FOXD1: variants seen among roughly 807,000 people sequenced by gnomAD.
FOXD1 encodes the protein forkhead box D1, also known as forkhead box protein D1.
In FOXD1, 4 loss-of-function variants were observed where a neutral mutation model predicts 2.0. That is an observed-to-expected ratio of 2.03 (90% CI 1.00 to 4.64). The LOEUF (loss-of-function observed/expected upper bound fraction) is 4.64. Ranked by LOEUF, FOXD1 falls within the 30% of genes most tolerant of loss-of-function variation. The pLI is 0.01. For synonymous variants in FOXD1, 354 were observed against 328.5 expected (o/e 1.08, Z -0.84); for missense variants, 586 against 647.6 (o/e 0.90, Z 1.03).
Position 73,446,998 on chromosome 5 carries a change from G to T in FOXD1, c.1365C>A (p.Val455=). 6.5e-7 allele frequency: 1 copy of T among 1,548,300 alleles called. No homozygotes were observed. The highest frequency in any genetic ancestry group is 1.2e-5 in the South Asian group (1 of 84,026). Reference sequence around the variant, plus strand: ...TGGAAATCCTAGCAGTAAAGTTCTCGACACTGGACAGGGCAGTCCCTTGGT... The same window carrying T: ...TGGAAATCCTAGCAGTAAAGTTCTCTACACTGGACAGGGCAGTCCCTTGGT... ...TLHQGTALSS[V]ENFTARISNC is the part of the protein sequence containing the mutation. The change falls in exon 1 of 1, where the codon GTC becomes GTA. Residue 455 remains valine (V), a synonymous_variant. Coordinates refer to ENST00000615637, the MANE Select transcript of FOXD1 (RefSeq NM_004472.3).
In FOXD1 at chr5:73,448,287, C is replaced by T; in HGVS notation, c.76G>A (p.Glu26Lys). The T allele has an allele frequency of 6.8e-7, 1 of 1,472,506 alleles. No individual in the cohort carries two copies. The highest frequency in any genetic ancestry group is 9.1e-7 in the Non-Finnish European group (1 of 1,103,984). 91.2% of individuals were successfully genotyped at this position (1,472,506 alleles called of 1,614,324 possible). A position where few individuals can be genotyped will look rare whatever the true frequency, so the allele number is the denominator to read the frequency against. The change falls in exon 1 of 1, where the codon GAG becomes AAG. Residue 26 changes from glutamate (E) to lysine (K), a missense_variant. Transcript: ENST00000615637. ...ETDIDVVGEGEDEEDEEEEDD... is the reference protein window; with the variant it reads ...ETDIDVVGEGKDEEDEEEEDD... ...TCCTCTTCCTCGTCTTCTTCGTCCT[C>T]GCCCTCCCCCACCACGTCGATGTCT...
In FOXD1 at chr5:73,448,293, C is replaced by G. The variant is rs748658647; in HGVS notation, c.70G>C (p.Glu24Gln). ...TCCTCGTCTTCTTCGTCCTCGCCCT[C>G]CCCCACCACGTCGATGTCTGTTTCC... is the stretch of plus-strand genomic sequence containing the variant. ...AEETDIDVVG[E>Q]GEDEEDEEEE... The change falls in exon 1 of 1, where the codon GAG becomes CAG. Residue 24 changes from glutamate to glutamine, a missense_variant. By Grantham distance (29) the Glu-to-Gln change is conservative. Coordinates refer to ENST00000615637, the MANE Select transcript of FOXD1 (RefSeq NM_004472.3). 1.4e-6 allele frequency: 2 copies of G among 1,470,906 alleles called. No homozygotes were observed. Among genetic ancestry groups the G allele is most frequent in the African/African-American group, 1.5e-5 (1 of 67,668 alleles). 91.1% of individuals were successfully genotyped at this position (1,470,906 alleles called of 1,614,324 possible).
Position 73,448,406 on chromosome 5 carries a change from G to C in FOXD1, c.-44C>G, listed in dbSNP as rs1745554581. 2 of 1,128,372 alleles carry C rather than the reference G, an allele frequency of 1.8e-6. No homozygotes were observed. Among genetic ancestry groups the C allele is most frequent in the African/African-American group, 1.7e-5 (1 of 59,684 alleles). 69.9% of individuals were successfully genotyped at this position (1,128,372 alleles called of 1,614,324 possible). ...GCGGGGCGGCGCATGGGGGCGCCGG[G>C]CTCCGGGCTCCCTCTGCGCCCCAGC... On this transcript the variant is annotated 5_prime_UTR_variant, in exon 1 of 1. Coordinates refer to ENST00000615637, the MANE Select transcript of FOXD1 (RefSeq NM_004472.3).
rs1487355990 is a variant in FOXD1 at position 73,447,611 on chromosome 5, G to T, written c.752C>A (p.Pro251Gln). Residue 251 changes from proline (P) to glutamine (Q), a missense_variant, in exon 1 of 1, where the codon CCG becomes CAG. Pro to Gln is a moderately conservative substitution (Grantham distance 76). Transcript: ENST00000615637. This position sits in a 1 kb window ranked among gnomAD's most constrained non-coding sequence, Gnocchi z 7.8. ...GAGAAGGAGDPAAAAALFPPA... is the reference protein window; with the variant it reads ...GAGAAGGAGDQAAAAALFPPA... The stretch of plus-strand genomic sequence containing the variant: ...CGGGAAGAGCGCGGCGGCGGCTGCC[G>T]GGTCGCCCGCGCCCCCTGCGGCTCC... 4 of 1,234,152 alleles carry T rather than the reference G, an allele frequency of 3.2e-6. No individual in the cohort carries two copies. The highest frequency in any genetic ancestry group is 1.6e-5 in the African/African-American group (1 of 63,018). 76.5% of individuals were successfully genotyped at this position (1,234,152 alleles called of 1,614,324 possible).
rs1008761197 is a variant in FOXD1 at position 73,448,457 on chromosome 5, CG to C, written c.-96del. 37 of 779,984 alleles carry C rather than the reference CG, an allele frequency of 4.7e-5. No individual in the cohort carries two copies. The African/African-American group carries it at 6.6e-4, about 14-fold the overall frequency. The allele number at this position is 779,984 out of a possible 1,614,324, so 48.3% of individuals were successfully genotyped here. ...CCGGGTCCCGGGCGGCAGGCCCGGC[CG>C]GGGGGCGCCACGCTGGGGGCGCTGC... On this transcript the variant is annotated 5_prime_UTR_variant, in exon 1 of 1. Coordinates refer to ENST00000615637, the MANE Select transcript of FOXD1 (RefSeq NM_004472.3).
chr5:73,446,671 T>C lies in FOXD1; in HGVS notation c.*294A>G. 2.9e-6 allele frequency: 1 copy of C among 350,368 alleles called. No individual in the cohort carries two copies. The highest frequency in any genetic ancestry group is 2.6e-5 in the South Asian group (1 of 37,844). The allele number at this position is 350,368 out of a possible 1,614,324, so 21.7% of individuals were successfully genotyped here. On this transcript the variant is annotated 3_prime_UTR_variant, in exon 1 of 1. Transcript: ENST00000615637. ...TCATCTGCCAAACGTCAAGGGAGCC[T>C]CTAGTGCCTGGACAGGGCGGACTCC...
rs1745537616 is a variant in FOXD1 at position 73,447,948 on chromosome 5, G to C, written c.415C>G (p.Leu139Val). ...GTCAGCCGCTTCTTGGGGCTCTGCA[G>C]GATGGCCATAGTGATGAGCGCGATA... is the stretch of plus-strand genomic sequence containing the variant. ...SYIALITMAI[L>V]QSPKKRLTLS... Residue 139 changes from leucine (L) to valine (V), a missense_variant, in exon 1 of 1, where the codon CTG (leucine) becomes GTG (valine). Leu to Val is a conservative substitution (Grantham distance 32). Around this residue, in one of 4 missense-constraint regions of FOXD1, gnomAD observed 104 missense variants for 175.4 expected, o/e 0.59. Transcript: ENST00000615637. The surrounding 1 kb of genome is among the most constrained non-coding windows in gnomAD (Gnocchi z 7.8). 1 of 1,608,764 alleles carries C rather than the reference G, an allele frequency of 6.2e-7. No individual in the cohort carries two copies. Among genetic ancestry groups the C allele is most frequent in the Admixed American group, 1.7e-5 (1 of 59,358 alleles).
chr5:73,447,837 T>G lies in FOXD1; in HGVS notation c.526A>C (p.Asn176His). The stretch of plus-strand genomic sequence containing the variant: ...ACGAAGCAGTCGTTGAGCGAGAGGT[T>G]GTGGCGGATGCTGTTCTGCCAGGCG... Reference protein sequence around the residue: ...FPAWQNSIRHNLSLNDCFVKI... With the variant: ...FPAWQNSIRHHLSLNDCFVKI... Residue 176 changes from asparagine (N) to histidine (H), a missense_variant, in exon 1 of 1, where the codon AAC becomes CAC. Asn to His is a moderately conservative substitution (Grantham distance 68). Transcript: ENST00000615637. This position sits in a 1 kb window ranked among gnomAD's most constrained non-coding sequence, Gnocchi z 7.8. 1 of 1,611,512 alleles carries G rather than the reference T, an allele frequency of 6.2e-7. No individual in the cohort carries two copies. The highest frequency in any genetic ancestry group is 8.5e-7 in the Non-Finnish European group (1 of 1,178,850).
rs768909613 is a variant in FOXD1 at position 73,447,949 on chromosome 5, G to A, written c.414C>T (p.Ile138=). 61 of 1,608,542 alleles carry A rather than the reference G, an allele frequency of 3.8e-5. No individual in the cohort carries two copies. Among genetic ancestry groups the A allele is most frequent in the Non-Finnish European group, 4.9e-5 (58 of 1,177,474 alleles). Residue 138 remains isoleucine (I), a synonymous_variant, in exon 1 of 1, where the codon ATC becomes ATT. Coordinates refer to ENST00000615637, the MANE Select transcript of FOXD1 (RefSeq NM_004472.3). The surrounding 1 kb of genome is among the most constrained non-coding windows in gnomAD (Gnocchi z 7.8). ...YSYIALITMA[I]LQSPKKRLTL... ...TCAGCCGCTTCTTGGGGCTCTGCAG[G>A]ATGGCCATAGTGATGAGCGCGATAT... is the stretch of plus-strand genomic sequence containing the variant.
chr5:73,448,056 C>CT lies in FOXD1; in HGVS notation c.306_307insA (p.Gly103ArgfsTer15). The CT allele has an allele frequency of 4.9e-6, 6 of 1,223,226 alleles. No homozygotes were observed. The highest frequency in any genetic ancestry group is 5.1e-6 in the Non-Finnish European group (5 of 976,666). The allele number at this position is 1,223,226 out of a possible 1,614,324, so 75.8% of individuals were successfully genotyped here. On this transcript the variant is annotated frameshift_variant, in exon 1 of 1. Transcript: ENST00000615637. LOFTEE classifies it low-confidence loss of function (END_TRUNC). Reference sequence around the variant, plus strand: ...CCGCCCGCGCCGCCGCCGCCGCCGCCCCCACCGGCTCCTGCCCCCGCCGCC... The same window carrying CT: ...CCGCCCGCGCCGCCGCCGCCGCCGCCTCCCACCGGCTCCTGCCCCCGCCGCC...
In FOXD1 at chr5:73,447,202, G is replaced by A. The variant is rs1363205301; in HGVS notation, c.1161C>T (p.Ala387=). Residue 387 remains alanine (A), a synonymous_variant, in exon 1 of 1, where the codon GCC becomes GCT. Coordinates refer to ENST00000615637, the MANE Select transcript of FOXD1 (RefSeq NM_004472.3). This position sits in a 1 kb window ranked among gnomAD's most constrained non-coding sequence, Gnocchi z 7.8. The part of the protein sequence containing the change: ...AAAAAAQAAA[A]AQASPSPSPV... The stretch of plus-strand genomic sequence containing the variant: ...GCGAGGGCGAGGGCGAGGCCTGAGC[G>A]GCGGCGGCGGCCTGCGCGGCGGCGG... The A allele has an allele frequency of 7.1e-6, 7 of 992,740 alleles. No homozygotes were observed. The highest frequency in any genetic ancestry group is 8.4e-6 in the Non-Finnish European group (7 of 837,722). The allele number at this position is 992,740 out of a possible 1,614,324, so 61.5% of individuals were successfully genotyped here.
Position 73,446,913 on chromosome 5 carries a change from A to G in FOXD1, c.*52T>C. The G allele has an allele frequency of 6.9e-7, 1 of 1,452,752 alleles. No individual in the cohort carries two copies. The highest frequency in any genetic ancestry group is 9.4e-7 in the Non-Finnish European group (1 of 1,066,496). The allele number at this position is 1,452,752 out of a possible 1,614,324, so 90.0% of individuals were successfully genotyped here. On this transcript the variant is annotated 3_prime_UTR_variant, in exon 1 of 1. Coordinates refer to ENST00000615637, the MANE Select transcript of FOXD1 (RefSeq NM_004472.3). Reference sequence around the variant, plus strand: ...CAAAACACCGAACCACCAAGACGAGAAAAGGAGCCGGGATTCCTACCTTCT... The same window carrying G: ...CAAAACACCGAACCACCAAGACGAGGAAAGGAGCCGGGATTCCTACCTTCT...
Position 73,448,088 on chromosome 5 carries a change from G to C in FOXD1, c.275C>G (p.Pro92Arg), listed in dbSNP as rs1745542289. 1.5e-5 allele frequency: 17 copies of C among 1,125,746 alleles called. No individual in the cohort carries two copies. In the South Asian group the frequency reaches 5.4e-4, roughly 35 times the overall value. 69.7% of individuals were successfully genotyped at this position (1,125,746 alleles called of 1,614,324 possible). A position where few individuals can be genotyped will look rare whatever the true frequency, so the allele number is the denominator to read the frequency against. The change falls in exon 1 of 1, where the codon CCG (proline) becomes CGG (arginine). Residue 92 changes from proline (P) to arginine (R), a missense_variant. Transcript: ENST00000615637. ...GGCTCCTGCCCCCGCCGCCGGGGCC[G>C]GGCCCGGGGGCGCCGGGGAGCCCCC... ...PAGGSPAPPG[P>R]APAAGAGAGG... is the part of the protein sequence containing the mutation.
At position 73,447,587 on chromosome 5, in the gene FOXD1, G is replaced by T; in HGVS notation, c.776C>A (p.Pro259Gln). The T allele has an allele frequency of 8.7e-7, 1 of 1,153,338 alleles. No homozygotes were observed. Among genetic ancestry groups the T allele is most frequent in the Non-Finnish European group, 1.1e-6 (1 of 933,084 alleles). The allele number at this position is 1,153,338 out of a possible 1,614,324, so 71.4% of individuals were successfully genotyped here. ...GDPAAAAALF[P>Q]PAPPPPPHAY... The stretch of plus-strand genomic sequence containing the variant: ...ATGCGGGGGCGGCGGGGGCGCGGGC[G>T]GGAAGAGCGCGGCGGCGGCTGCCGG... Residue 259 changes from proline to glutamine, a missense_variant, in exon 1 of 1, where the codon CCG becomes CAG. Physicochemically the swap from Pro to Gln is moderately conservative, Grantham distance 76. Around this residue, in one of 4 missense-constraint regions of FOXD1, gnomAD observed 253 missense variants for 234.4 expected, o/e 1.08. Coordinates refer to ENST00000615637, the MANE Select transcript of FOXD1 (RefSeq NM_004472.3). This position sits in a 1 kb window ranked among gnomAD's most constrained non-coding sequence, Gnocchi z 7.8.
At position 73,447,934 on chromosome 5, in the gene FOXD1, C is replaced by T. The variant is rs754766763; in HGVS notation, c.429G>A (p.Lys143=). The part of the protein sequence containing the change: ...LITMAILQSP[K]KRLTLSEICE... ...AGATCTCGCTCAGCGTCAGCCGCTT[C>T]TTGGGGCTCTGCAGGATGGCCATAG... is the stretch of plus-strand genomic sequence containing the variant. Residue 143 remains lysine, a synonymous_variant, in exon 1 of 1, where the codon AAG becomes AAA. Transcript: ENST00000615637. This position sits in a 1 kb window ranked among gnomAD's most constrained non-coding sequence, Gnocchi z 7.8. 12 of 1,609,966 alleles carry T rather than the reference C, an allele frequency of 7.5e-6. No homozygotes were observed. The South Asian group carries it at 1.3e-4, about 18-fold the overall frequency.
rs1250999200 is a variant in FOXD1, at chr5:73,447,456, C to A, written c.907G>T (p.Ala303Ser). 1.0e-6 allele frequency: 1 copy of A among 974,580 alleles called. No homozygotes were observed. 60.4% of individuals were successfully genotyped at this position (974,580 alleles called of 1,614,324 possible). The change falls in exon 1 of 1, where the codon GCC (alanine) becomes TCC (serine). Residue 303 changes from alanine (A) to serine (S), a missense_variant. Coordinates refer to ENST00000615637, the MANE Select transcript of FOXD1 (RefSeq NM_004472.3). This position sits in a 1 kb window ranked among gnomAD's most constrained non-coding sequence, Gnocchi z 7.8. Reference protein sequence around the residue: ...AAAAAAAAAAAFHPHSPPPPP... With the variant: ...AAAAAAAAAASFHPHSPPPPP... Reference sequence around the variant, plus strand: ...GGCGGGGGCGAGTGCGGGTGGAAGGCGGCGGCGGCGGCGGCGGCCGCTGCG... The same window carrying A: ...GGCGGGGGCGAGTGCGGGTGGAAGGAGGCGGCGGCGGCGGCGGCCGCTGCG...
rs1384239705 is a variant in FOXD1, at chr5:73,447,592, G to A, written c.771C>T (p.Leu257=). ...GGGGCGGCGGGGGCGCGGGCGGGAA[G>A]AGCGCGGCGGCGGCTGCCGGGTCGC... ...GAGDPAAAAA[L]FPPAPPPPPH... is the part of the protein sequence containing the mutation. The change falls in exon 1 of 1, where the codon CTC becomes CTT. Residue 257 remains leucine, a synonymous_variant. Coordinates refer to ENST00000615637, the MANE Select transcript of FOXD1 (RefSeq NM_004472.3). This position sits in a 1 kb window ranked among gnomAD's most constrained non-coding sequence, Gnocchi z 7.8. 2.8e-5 allele frequency: 33 copies of A among 1,172,042 alleles called. No homozygotes were observed. The South Asian group carries it at 1.0e-3, about 37-fold the overall frequency. The allele number at this position is 1,172,042 out of a possible 1,614,324, so 72.6% of individuals were successfully genotyped here. A position where few individuals can be genotyped will look rare whatever the true frequency, so the allele number is the denominator to read the frequency against.
chr5:73,447,012 C>T lies in FOXD1; in HGVS notation c.1351G>A (p.Ala451Thr). The stretch of plus-strand genomic sequence containing the variant: ...GTAAAGTTCTCGACACTGGACAGGG[C>T]AGTCCCTTGGTGCAGAGTCCCCAAG... ...AALGTLHQGTALSSVENFTAR... is the reference protein window; with the variant it reads ...AALGTLHQGTTLSSVENFTAR... The change falls in exon 1 of 1, where the codon GCC (alanine) becomes ACC (threonine). Residue 451 changes from alanine (A) to threonine (T), a missense_variant. Transcript: ENST00000615637. The surrounding 1 kb of genome is among the most constrained non-coding windows in gnomAD (Gnocchi z 7.8). 2 of 1,548,172 alleles carry T rather than the reference C, an allele frequency of 1.3e-6. No individual in the cohort carries two copies. The highest frequency in any genetic ancestry group is 1.7e-6 in the Non-Finnish European group (2 of 1,145,708).
Position 73,448,541 on chromosome 5 carries a change from C to A in FOXD1, c.-179G>T, listed in dbSNP as rs1745557286. The A allele has an allele frequency of 1.0e-5, 2 of 199,840 alleles. No individual in the cohort carries two copies. The highest frequency in any genetic ancestry group is 4.7e-5 in the African/African-American group (2 of 42,166). 12.4% of individuals were successfully genotyped at this position (199,840 alleles called of 1,614,324 possible). A position where few individuals can be genotyped will look rare whatever the true frequency, so the allele number is the denominator to read the frequency against. ...CGGGTGGCGGCGGAGTCTCGCGCGC[C>A]GACTTTATAACTCCTGCGCCGCCGC... On this transcript the variant is annotated 5_prime_UTR_variant, in exon 1 of 1. Coordinates refer to ENST00000615637, the MANE Select transcript of FOXD1 (RefSeq NM_004472.3).
Sources: gnomAD v4.1 joint callset for allele counts on GRCh38, gnomAD v4.1.1 for gene constraint, gnomAD v4.1.1 regional missense constraint, Gnocchi (gnomAD v3.1) non-coding constraint, MANE v1.5 for transcripts, NCBI Gene and HGNC (gene_info 2026-07-23, HGNC 2026-07-21) for gene names.